RGPD2: variants seen among roughly 807,000 people sequenced by gnomAD.
The protein encoded by RGPD2 is RANBP2-like and GRIP domain-containing protein 2.
RGPD2 carries 2 observed loss-of-function variants against 36.0 expected under a neutral mutation model. The ratio of observed to expected loss-of-function variants is 0.06; its 90% CI spans 0.02 to 0.17. RGPD2 has a LOEUF of 0.17. Ranked by LOEUF, RGPD2 falls within the 10% of genes least tolerant of loss-of-function variation. RGPD2 has a pLI of 1.00. For missense variants in RGPD2, 40 were observed against 464.3 expected (o/e 0.09, Z 8.40); for synonymous variants, 19 against 163.8 (o/e 0.12, Z 6.75).
At chr2:87,857,733 T>C in the RGPD2 span, among the ~76,000 whole-genome samples, 1 of 149,396 alleles carries the variant, frequency 6.7e-6, no homozygotes, top group Non-Finnish European at 1.5e-5. Flanking sequence ...AGTCAGGAGA[T>C]TGAGACCATC....
At chr2:87,915,942 G>A in the RGPD2 span, among the ~76,000 whole-genome samples, 1 of 150,882 alleles carries the variant, frequency 6.6e-6, no homozygotes, top group Admixed American at 6.6e-5. Context: ...AGGAAGTGAG[G>A]GAGGAAGGGA....
chr2:87,872,481 T>C, the RGPD2 span, among the ~76,000 whole-genome samples: 1 of 152,188 alleles, frequency 6.6e-6, no homozygotes, highest in African/African-American at 2.4e-5. Flanking sequence ...TTTTGTTGTT[T>C]TTAATTGTTT....
chr2:87,939,947 A>G, the RGPD2 span, among the ~76,000 whole-genome samples: 1 of 152,116 alleles, frequency 6.6e-6, no homozygotes, highest in Non-Finnish European at 1.5e-5. Context: ...AATATTCTTT[A>G]AGAGCATGAA....
chr2:87,861,096 C>T, the RGPD2 span, among the ~76,000 whole-genome samples: 1 of 148,818 alleles, frequency 6.7e-6, no homozygotes. Context: ...TTGTCATTTA[C>T]ATCATTTGGA....
the RGPD2 span, among the ~76,000 whole-genome samples, chr2:87,945,689 C>G: frequency 2.0e-5 from 3 of 151,804 alleles, no homozygotes; most frequent in African/African-American, 7.3e-5. Flanking sequence ...CTCACTGCAG[C>G]CTCAACCTCT....
At chr2:87,881,369 G>A in the RGPD2 span, among the ~76,000 whole-genome samples, 1 of 152,254 alleles carries the variant, frequency 6.6e-6, no homozygotes, top group South Asian at 2.1e-4. Context: ...CCTCCACACT[G>A]CTCTGTCAGA....
chr2:87,939,484 G>A, the RGPD2 span, among the ~76,000 whole-genome samples: 2 of 151,918 alleles, frequency 1.3e-5, no homozygotes, highest in African/African-American at 2.4e-5. Context: ...GTTGTCCCTA[G>A]CACCATCTGG....
the RGPD2 span, among the ~76,000 whole-genome samples, chr2:87,919,944 TCA>T: frequency 6.6e-6 from 1 of 152,020 alleles, no homozygotes; most frequent in Non-Finnish European, 1.5e-5. Flanking sequence ...CACTTAATGA[TCA>T]GATATGTAAT....
the RGPD2 span, among the ~76,000 whole-genome samples, chr2:87,855,426 C>T: frequency 3.4e-5 from 5 of 145,164 alleles, no homozygotes; most frequent in East Asian, 2.1e-4. Context: ...TCCAAGAATA[C>T]GAAATGTGCC....
chr2:87,842,292 A>G, the RGPD2 span, among the ~76,000 whole-genome samples: 1 of 147,200 alleles, frequency 6.8e-6, no homozygotes, highest in African/African-American at 2.7e-5. Context: ...AGATGACATG[A>G]CTGTATATCT....
At chr2:87,972,169 G>C in the RGPD2 span, among the ~76,000 whole-genome samples, 3 of 152,182 alleles carry the variant, frequency 2.0e-5, no homozygotes, top group African/African-American at 7.2e-5. Context: ...AGTGAAAAAG[G>C]AAAGGTACAA....
chr2:87,831,921 A>G, the RGPD2 span, among the ~76,000 whole-genome samples: 1 of 145,986 alleles, frequency 6.8e-6, no homozygotes, highest in African/African-American at 2.5e-5. Context: ...AAATAATTAT[A>G]AAATAATATT....
chr2:87,824,786 G>GCCGCCGCCGCCGCCCGGCC (rs1229101526), intron 1 of RGPD2, among the ~76,000 whole-genome samples: 3 of 16,494 alleles, frequency 1.8e-4, no homozygotes, highest in African/African-American at 7.5e-4. Context: ...GGCCGAGGCC[G>GCCGCCGCCGCCGCCCGGCC]AGGCCGAGGC....
At chr2:87,971,432 CAT>C in the RGPD2 span, among the ~76,000 whole-genome samples, 9 of 13,912 alleles carry the variant, frequency 6.5e-4, 1 homozygote, top group African/African-American at 9.3e-4. Context: ...ATGTTATAGA[CAT>C]ATATATATAA....
At chr2:87,956,234 TA>T in the RGPD2 span, among the ~76,000 whole-genome samples, 1 of 147,140 alleles carries the variant, frequency 6.8e-6, no homozygotes, top group Non-Finnish European at 1.5e-5. Flanking sequence ...CTGTTTTCTT[TA>T]ACTAATTTTA....
the RGPD2 span, among the ~76,000 whole-genome samples, chr2:87,958,164 ACT>A: frequency 6.6e-6 from 1 of 151,504 alleles, no homozygotes; most frequent in Non-Finnish European, 1.5e-5. Context: ...CTCTAAACAG[ACT>A]CTATTTCTCA....
chr2:87,972,840 T>C, the RGPD2 span: 1 of 1,611,792 alleles, frequency 6.2e-7, no homozygotes, highest in South Asian at 1.1e-5. Context: ...TTCTGGCTGC[T>C]CTGGACTGTC....
chr2:87,845,894 T>C, the RGPD2 span, among the ~76,000 whole-genome samples: 3 of 152,046 alleles, frequency 2.0e-5, no homozygotes, highest in Non-Finnish European at 4.4e-5. Flanking sequence ...CTTATTAGCA[T>C]ATTTTATTGA....
chr2:87,839,818 G>A, the RGPD2 span, among the ~76,000 whole-genome samples: 1 of 151,692 alleles, frequency 6.6e-6, no homozygotes, highest in Non-Finnish European at 1.5e-5. Flanking sequence ...CACCTACTGG[G>A]TACTAGGATT....
Sources: allele counts gnomAD v4.1 joint callset (sites outside exome capture counted in the v4.1 genomes callset), GRCh38; gene constraint gnomAD v4.1.1; transcripts MANE v1.5; gene names NCBI Gene and HGNC (gene_info 2026-07-23, HGNC 2026-07-21).